FBXL7: variants seen among roughly 807,000 people sequenced by gnomAD.
FBXL7 encodes F-box/LRR-repeat protein 7.
Under a neutral mutation model 38.3 loss-of-function variants are expected in FBXL7, and 12 were observed. The observed-to-expected ratio is 0.31, with a 90% CI of 0.20 to 0.51. The LOEUF (loss-of-function observed/expected upper bound fraction) is 0.51. Among genes scored for constraint, FBXL7 ranks in the 20% least tolerant of loss-of-function variants. The pLI is 0.98. For missense variants in FBXL7, 567 were observed against 676.4 expected, an observed-to-expected ratio of 0.84 and a Z score of 1.79; for synonymous variants, 297 against 300.9, an observed-to-expected ratio of 0.99 and a Z score of 0.13.
At chr5:15,902,899 A>G (rs2126412631) in intron 2 of FBXL7, among the ~76,000 whole-genome samples, 1 of 152,364 alleles carries the variant, frequency 6.6e-6, no homozygotes, top group South Asian at 2.1e-4. Context: ...GCAGGCTTCG[A>G]GCAGTAGGTC....
chr5:15,912,555 ACC>A (rs1364327331), intron 2 of FBXL7, among the ~76,000 whole-genome samples: 1 of 151,762 alleles, frequency 6.6e-6, no homozygotes, highest in Admixed American at 6.6e-5. Flanking sequence ...CTCCCCACCG[ACC>A]TAGAAGGATT....
At chr5:15,810,369 T>C (rs920146252) in intron 2 of FBXL7, among the ~76,000 whole-genome samples, 1 of 152,056 alleles carries the variant, frequency 6.6e-6, no homozygotes, top group East Asian at 1.9e-4. Context: ...AAGACCAGGC[T>C]GGCCAACATG....
chr5:15,875,659 C>T (rs963170078), intron 2 of FBXL7, among the ~76,000 whole-genome samples: 4 of 152,136 alleles, frequency 2.6e-5, no homozygotes, highest in Admixed American at 1.3e-4. Context: ...AAAAGCTCAT[C>T]GTCGCTGGCC....
At chr5:15,684,141 A>G (rs1353307946) in intron 2 of FBXL7, among the ~76,000 whole-genome samples, 3 of 152,074 alleles carry the variant, frequency 2.0e-5, no homozygotes, top group Non-Finnish European at 4.4e-5. Context: ...CCACCCATTC[A>G]CTTCTCAAAC....
At position 15,890,460 on chromosome 5, in the gene FBXL7, T is replaced by C. The variant is rs193125274; in HGVS notation, c.128-37430T>C. On this transcript the variant is annotated intron_variant, in intron 2 of 3. Coordinates refer to ENST00000504595, the MANE Select transcript of FBXL7 (RefSeq NM_012304.5). ...TTCTCCATGTTGGTCAGGCTGCTCT[T>C]GAACTCTCGACCTCAGGTGATCCAC... Among the ~76,000 whole-genome samples the C allele has an allele frequency of 1.8e-4, 27 of 152,188 alleles. No individual in the cohort carries two copies. The East Asian group carries it at 5.2e-3, about 30-fold the overall frequency.
intron 3 of FBXL7, among the ~76,000 whole-genome samples, chr5:15,933,252 A>T (rs1742088157): frequency 6.6e-6 from 1 of 152,234 alleles, no homozygotes; most frequent in Non-Finnish European, 1.5e-5. Context: ...CTCTTTACCA[A>T]AACTGAACTA....
chr5:15,759,037 C>A (rs978387890), intron 2 of FBXL7, among the ~76,000 whole-genome samples: 1 of 152,142 alleles, frequency 6.6e-6, no homozygotes, highest in Admixed American at 6.5e-5. Flanking sequence ...GGTTATTATA[C>A]TTTCTTGGAT....
Position 15,551,334 on chromosome 5 carries a change from T to G in FBXL7, c.37+50621T>G, listed in dbSNP as rs570525125. On this transcript the variant is annotated intron_variant, in intron 1 of 3. Coordinates refer to ENST00000504595, the MANE Select transcript of FBXL7 (RefSeq NM_012304.5). ...GCAGCAACGTTTGAATAGTTCCCCT[T>G]TCAAGGCAGAAAGCCTCTGTTCTGT... Among the ~76,000 whole-genome samples, 27 of 152,340 alleles carry G rather than the reference T, an allele frequency of 1.8e-4. No homozygotes were observed. In the South Asian group the frequency reaches 5.2e-3, roughly 29 times the overall value.
chr5:15,824,716 A>G (rs1156771355), intron 2 of FBXL7, among the ~76,000 whole-genome samples: 1 of 152,192 alleles, frequency 6.6e-6, no homozygotes, highest in Non-Finnish European at 1.5e-5. Flanking sequence ...TAAAAAACCC[A>G]GTCTCACCCA....
At position 15,936,748 on chromosome 5, in the gene FBXL7, C is replaced by T. The variant is rs1324538191; in HGVS notation, c.1038C>T (p.Ala346=). 6.2e-6 allele frequency: 10 copies of T among 1,609,714 alleles called. No individual in the cohort carries two copies. Among genetic ancestry groups the T allele is most frequent in the Admixed American group, 1.7e-5 (1 of 59,810 alleles). ...GCGACTTCGGCCTGCGGGAGATCGCCAAGCTGGAGTCCCGCCTGCGGTACC... is the reference window on the plus strand; with the variant it reads ...GCGACTTCGGCCTGCGGGAGATCGCTAAGCTGGAGTCCCGCCTGCGGTACC... ...FVSDFGLREI[A]KLESRLRYLS... is the part of the protein sequence containing the mutation. Residue 346 remains alanine (A), a synonymous_variant, in exon 4 of 4, where the codon GCC becomes GCT. Coordinates refer to ENST00000504595, the MANE Select transcript of FBXL7 (RefSeq NM_012304.5). This position sits in a 1 kb window ranked among gnomAD's most constrained non-coding sequence, Gnocchi z 6.0.
chr5:15,757,242 G>T (rs1468885709), intron 2 of FBXL7, among the ~76,000 whole-genome samples: 1 of 152,094 alleles, frequency 6.6e-6, no homozygotes, highest in Non-Finnish European at 1.5e-5. Context: ...TTGTGGGTAA[G>T]AAAAATTATT....
At chr5:15,812,541 G>A (rs1737894501) in intron 2 of FBXL7, among the ~76,000 whole-genome samples, 1 of 152,046 alleles carries the variant, frequency 6.6e-6, no homozygotes, top group African/African-American at 2.4e-5. Context: ...TAGCCTTGTA[G>A]TATAGTTTGA....
At chr5:15,896,257 C>G (rs1276074103) in intron 2 of FBXL7, among the ~76,000 whole-genome samples, 1 of 152,150 alleles carries the variant, frequency 6.6e-6, no homozygotes, top group East Asian at 1.9e-4. Context: ...AACTCCTGAC[C>G]TCAAGTGATC....
At chr5:15,701,006 C>A (rs1293505430) in intron 2 of FBXL7, among the ~76,000 whole-genome samples, 1 of 151,714 alleles carries the variant, frequency 6.6e-6, no homozygotes, top group African/African-American at 2.4e-5. Context: ...CTGAATTAGC[C>A]AAATCCTTTA....
chr5:15,822,532 G>T (rs1418231632), intron 2 of FBXL7, among the ~76,000 whole-genome samples: 1 of 151,706 alleles, frequency 6.6e-6, no homozygotes, highest in Non-Finnish European at 1.5e-5. Context: ...ATTCCAGTGG[G>T]TCTCATTATT....
At chr5:15,720,984 T>A (rs1019853331) in intron 2 of FBXL7, among the ~76,000 whole-genome samples, 1 of 152,140 alleles carries the variant, frequency 6.6e-6, no homozygotes, top group Non-Finnish European at 1.5e-5. Context: ...TAGTACAACT[T>A]ACTCTGCACA....
chr5:15,569,000 G>C (rs561162274), intron 1 of FBXL7, among the ~76,000 whole-genome samples: 27 of 152,304 alleles, frequency 1.8e-4, no homozygotes. Context: ...TAGCCTTGTA[G>C]TATAGTTTGA....
intron 1 of FBXL7, among the ~76,000 whole-genome samples, chr5:15,591,560 G>C (rs899578679): frequency 6.6e-6 from 1 of 152,204 alleles, no homozygotes. Context: ...TAAATGGAAG[G>C]CCTAGGACCA....
At chr5:15,769,090 A>G (rs775461549) in intron 2 of FBXL7, among the ~76,000 whole-genome samples, 10 of 152,220 alleles carry the variant, frequency 6.6e-5, no homozygotes, top group Admixed American at 5.9e-4. Flanking sequence ...CGGAGGCTGC[A>G]TGGAGATCCC....
Sources: gnomAD v4.1 joint callset for allele counts (sites outside exome capture counted in the v4.1 genomes callset) on GRCh38, gnomAD v4.1.1 for gene constraint, Gnocchi (gnomAD v3.1) non-coding constraint, MANE v1.5 for transcripts, NCBI Gene and HGNC (gene_info 2026-07-23, HGNC 2026-07-21) for gene names.